Variants in PDE4D observed in about 807,000 individuals in gnomAD.
The protein encoded by PDE4D is 3',5'-cyclic-AMP phosphodiesterase 4D.
PDE4D carries 24 observed loss-of-function variants against 87.4 expected under a neutral mutation model. That is an observed-to-expected ratio of 0.27 (90% CI 0.20 to 0.39). PDE4D has a LOEUF of 0.39. Among genes scored for constraint, PDE4D ranks in the 10% least tolerant of loss-of-function variants. PDE4D has a pLI of 1.00. For synonymous variants in PDE4D, 384 were observed against 383.2 expected (o/e 1.00, Z -0.02); for missense variants, 714 against 1,041.0 (o/e 0.69, Z 4.32).
intron 1 of PDE4D, among the ~76,000 whole-genome samples, chr5:59,843,021 T>G (rs1415209272): frequency 1.3e-5 from 2 of 152,006 alleles, no homozygotes; most frequent in African/African-American, 4.8e-5. Flanking sequence ...TTTAAATGAT[T>G]TCTTATATTT....
intron 1 of PDE4D, among the ~76,000 whole-genome samples, chr5:59,574,036 AT>A (rs1561239544): frequency 3.6e-5 from 4 of 110,826 alleles, no homozygotes; most frequent in Non-Finnish European, 6.9e-5. Flanking sequence ...ATAAAAATAT[AT>A]ATTTATATAT....
chr5:59,527,417 A>G (rs1813364154), intron 1 of PDE4D, among the ~76,000 whole-genome samples: 1 of 152,218 alleles, frequency 6.6e-6, no homozygotes, highest in Non-Finnish European at 1.5e-5. Context: ...AGTATATTAC[A>G]GCAGGCAAAG....
At chr5:60,054,526 T>G (rs541695530) in intron 2 of PDE4D, among the ~76,000 whole-genome samples, 1 of 152,000 alleles carries the variant, frequency 6.6e-6, no homozygotes, top group Non-Finnish European at 1.5e-5. Flanking sequence ...CACCAGGGCC[T>G]GTCGGTGGGT....
intron 1 of PDE4D, among the ~76,000 whole-genome samples, chr5:60,350,271 C>T (rs1040768449): frequency 6.6e-6 from 1 of 152,212 alleles, no homozygotes; most frequent in African/African-American, 2.4e-5. Flanking sequence ...GGTGCACTTC[C>T]GTGTCTTCCC....
intron 1 of PDE4D, among the ~76,000 whole-genome samples, chr5:60,196,191 C>G (rs908035778): frequency 5.3e-5 from 8 of 151,620 alleles, no homozygotes; most frequent in African/African-American, 1.7e-4. Flanking sequence ...TGCCAGAGTA[C>G]CCACTCTTTC....
chr5:60,070,040 T>C (rs1772536243), intron 2 of PDE4D, among the ~76,000 whole-genome samples: 1 of 152,154 alleles, frequency 6.6e-6, no homozygotes, highest in Non-Finnish European at 1.5e-5. Context: ...TACTCTGTAA[T>C]TTCACTAAAT....
At chr5:59,245,697 G>A (rs1404779835) in intron 1 of PDE4D, among the ~76,000 whole-genome samples, 1 of 152,012 alleles carries the variant, frequency 6.6e-6, no homozygotes, top group Non-Finnish European at 1.5e-5. Flanking sequence ...CTCAAATCCT[G>A]GTTCTGCCAG....
rs150014580 is a variant in PDE4D, at chr5:59,819,531, G to A, written c.455+73637C>T. Among the ~76,000 whole-genome samples, 39 of 152,262 alleles carry A rather than the reference G, an allele frequency of 2.6e-4. No individual in the cohort carries two copies. In the East Asian group the frequency reaches 3.3e-3, roughly 13 times the overall value. ...GCTGATGTTATTTCTACGTGATAACGTAGAGTTGTCCTCCTTGATTTTGGT... is the reference window on the plus strand; with the variant it reads ...GCTGATGTTATTTCTACGTGATAACATAGAGTTGTCCTCCTTGATTTTGGT... On this transcript the variant is annotated intron_variant, in intron 1 of 14. Coordinates refer to ENST00000340635, the MANE Select transcript of PDE4D (RefSeq NM_001104631.2).
intron 1 of PDE4D, among the ~76,000 whole-genome samples, chr5:59,440,060 T>C (rs1461732849): frequency 6.6e-6 from 1 of 152,226 alleles, no homozygotes; most frequent in Non-Finnish European, 1.5e-5. Flanking sequence ...AACTGAAACA[T>C]CTCTCTTAAT....
intron 1 of PDE4D, among the ~76,000 whole-genome samples, chr5:60,348,625 C>T (rs943669524): frequency 2.6e-5 from 4 of 152,014 alleles, no homozygotes; most frequent in Non-Finnish European, 4.4e-5. Flanking sequence ...AGTCCAACTG[C>T]TTAAAATTTC....
At chr5:59,617,187 G>T (rs1029857293) in intron 1 of PDE4D, among the ~76,000 whole-genome samples, 1 of 151,614 alleles carries the variant, frequency 6.6e-6, no homozygotes, top group Non-Finnish European at 1.5e-5. Flanking sequence ...GCAAAGAGAG[G>T]GTGCTGTGGT....
At chr5:59,805,282 AG>A (rs1294467010) in intron 1 of PDE4D, among the ~76,000 whole-genome samples, 2 of 152,226 alleles carry the variant, frequency 1.3e-5, no homozygotes, top group Admixed American at 1.3e-4. Context: ...TCTTGTAAAA[AG>A]AATCAATTCC....
At chr5:59,053,362 T>TACACACACACAC (rs57805618) in intron 5 of PDE4D, among the ~76,000 whole-genome samples, 5 of 142,072 alleles carry the variant, frequency 3.5e-5, no homozygotes, top group African/African-American at 1.0e-4. Context: ...TGGGTGTACA[T>TACACACACACAC]ACACACACAC....
At chr5:60,467,630 A>G (rs1207120327) in intron 1 of PDE4D, among the ~76,000 whole-genome samples, 1 of 152,072 alleles carries the variant, frequency 6.6e-6, no homozygotes, top group Non-Finnish European at 1.5e-5. Flanking sequence ...CATTTTCTCT[A>G]TTAGTCCGTT....
chr5:59,632,029 C>T (rs1005745195), intron 1 of PDE4D, among the ~76,000 whole-genome samples: 2 of 152,188 alleles, frequency 1.3e-5, no homozygotes, highest in East Asian at 1.9e-4. Context: ...AGCCTGAAGT[C>T]GACCTGGGAT....
Position 59,512,313 on chromosome 5 carries a change from T to TTG in PDE4D, c.456-296346_456-296345insCA, listed in dbSNP as rs547387674. Among the ~76,000 whole-genome samples the TTG allele has an allele frequency of 1.4e-4, 22 of 152,286 alleles. No individual in the cohort carries two copies. In the South Asian group the frequency reaches 4.1e-3, roughly 29 times the overall value. ...ATATTTTCTCTGTTTCCATTAAGGT[T>TTG]ATATTCCTCTCTGGGTCAGTCAAAT... On this transcript the variant is annotated intron_variant, in intron 1 of 14. Transcript: ENST00000340635.
rs531710724 is a variant in PDE4D at position 60,449,058 on chromosome 5, C to A, written c.-90+38884G>T. Among the ~76,000 whole-genome samples the A allele has an allele frequency of 1.1e-4, 15 of 141,160 alleles. No individual in the cohort carries two copies. In the South Asian group the frequency reaches 2.5e-3, roughly 23 times the overall value. 92.6% of individuals were successfully genotyped at this position (141,160 alleles called of 152,430 possible). A position where few individuals can be genotyped will look rare whatever the true frequency, so the allele number is the denominator to read the frequency against. ...CCCCATATCCCCCTTCACCCACCCC[C>A]CCAACTGCCCGCGCACACACACACA... On this transcript the variant is annotated intron_variant, in intron 1 of 16. Transcript: ENST00000502484.
In PDE4D at chr5:58,975,169, A is replaced by C; in HGVS notation, c.2014-89T>G. On this transcript the variant is annotated intron_variant, in intron 14 of 14. Transcript: ENST00000340635. This position sits in a 1 kb window ranked among gnomAD's most constrained non-coding sequence, Gnocchi z 4.2. ...AATTAGATCATGGCCCACAAATAAA[A>C]CACTGAACAGAAGACTACTAAACTT... 1.4e-6 allele frequency: 1 copy of C among 733,156 alleles called. No individual in the cohort carries two copies. Among genetic ancestry groups the C allele is most frequent in the Non-Finnish European group, 2.1e-6 (1 of 485,126 alleles). 45.4% of individuals were successfully genotyped at this position (733,156 alleles called of 1,614,324 possible). A position where few individuals can be genotyped will look rare whatever the true frequency, so the allele number is the denominator to read the frequency against.
chr5:60,030,188 C>T (rs911086531), intron 2 of PDE4D, among the ~76,000 whole-genome samples: 4 of 152,136 alleles, frequency 2.6e-5, no homozygotes, highest in Non-Finnish European at 5.9e-5. Context: ...CGGTGGCTCA[C>T]GCCTGTAATC....
Sources: gnomAD v4.1 joint callset for allele counts (sites outside exome capture counted in the v4.1 genomes callset) on GRCh38, gnomAD v4.1.1 for gene constraint, Gnocchi (gnomAD v3.1) non-coding constraint, MANE v1.5 for transcripts, NCBI Gene and HGNC (gene_info 2026-07-23, HGNC 2026-07-21) for gene names.